Variants in ZNF69 observed in about 807,000 individuals in gnomAD.
ZNF69 encodes the protein zinc finger protein 69.
Under a neutral mutation model 50.9 loss-of-function variants are expected in ZNF69, and 47 were observed. That is an observed-to-expected ratio of 0.92 (90% CI 0.73 to 1.18). ZNF69 has a LOEUF of 1.18. Ranked by LOEUF, ZNF69 falls within the 50% of genes most tolerant of loss-of-function variation. The pLI, the probability that ZNF69 is intolerant of heterozygous loss-of-function variation, is 0.00. For missense variants in ZNF69, 717 were observed against 675.1 expected, an observed-to-expected ratio of 1.06 and a Z score of -0.69; for synonymous variants, 216 against 223.1, an observed-to-expected ratio of 0.97 and a Z score of 0.29.
the ZNF69 span, among the ~76,000 whole-genome samples, chr19:11,972,851 G>A: frequency 6.6e-6 from 1 of 151,836 alleles, no homozygotes; most frequent in African/African-American, 2.4e-5. Context: ...TACCACTTAG[G>A]GAGGCTGAAG....
intron 1 of ZNF69, 92 bp downstream of exon 1, chr19:11,888,078 G>T (rs950450403): frequency 3.0e-6 from 4 of 1,311,626 alleles, no homozygotes; most frequent in African/African-American, 1.5e-5. Flanking sequence ...TTTCCTGCGG[G>T]CGACTTTGGG....
At chr19:11,922,713 A>G in the ZNF69 span, among the ~76,000 whole-genome samples, 47 of 152,336 alleles carry the variant, frequency 3.1e-4, no homozygotes, top group South Asian at 1.7e-3. Context: ...TTATGTGGCC[A>G]GAATGATCCA....
At chr19:11,901,401 C>G (rs1972241090) in intron 1 of ZNF69, among the ~76,000 whole-genome samples, 1 of 152,220 alleles carries the variant, frequency 6.6e-6, no homozygotes, top group Non-Finnish European at 1.5e-5. Flanking sequence ...ACAATTCCCA[C>G]ATGCTTAGCG....
At chr19:11,932,798 C>G in the ZNF69 span, among the ~76,000 whole-genome samples, 1 of 147,214 alleles carries the variant, frequency 6.8e-6, no homozygotes, top group African/African-American at 2.7e-5. Flanking sequence ...CCACCCCGTC[C>G]GGCTAATTTT....
the ZNF69 span, among the ~76,000 whole-genome samples, chr19:11,974,122 TTTCTTTTCTTTCTTTCTTTC>T: frequency 1.3e-4 from 8 of 60,224 alleles, no homozygotes; most frequent in African/African-American, 5.0e-4. Context: ...TCTTTCTTTC[TTTCTTTTCTTTCTTTCTTTC>T]TTTCTTTCTT....
the ZNF69 span, chr19:11,950,587 G>A: frequency 4.0e-6 from 2 of 500,186 alleles, no homozygotes; most frequent in Admixed American, 2.7e-5. Context: ...CAACGGCATG[G>A]AAGGGTTCAC....
chr19:11,916,156 T>A (rs777202019), downstream of ZNF69, among the ~76,000 whole-genome samples: 2 of 152,206 alleles, frequency 1.3e-5, no homozygotes, highest in Non-Finnish European at 2.9e-5. Context: ...GAAATAACTT[T>A]TAATTCTAGA....
intron 1 of ZNF69, among the ~76,000 whole-genome samples, chr19:11,896,324 G>A (rs915041460): frequency 4.1e-5 from 6 of 146,876 alleles, no homozygotes; most frequent in Non-Finnish European, 7.4e-5. Context: ...CTCTTAATTA[G>A]TATAACGTTC....
chr19:11,905,159 T>A lies in ZNF69; in HGVS notation c.762T>A (p.Gly254=). 1 of 1,614,020 alleles carries A rather than the reference T, an allele frequency of 6.2e-7. No individual in the cohort carries two copies. Among genetic ancestry groups the A allele is most frequent in the South Asian group, 1.1e-5 (1 of 91,074 alleles). ...GEKPYECKQC[G]KSFSYSATLR... Reference sequence around the variant, plus strand: ...AACCATATGAATGTAAACAATGTGGTAAATCCTTTAGTTATTCTGCTACCC... The same window carrying A: ...AACCATATGAATGTAAACAATGTGGAAAATCCTTTAGTTATTCTGCTACCC... The change falls in exon 4 of 4, where the codon GGT becomes GGA. Residue 254 remains glycine, a synonymous_variant. Transcript: ENST00000429654.
chr19:11,948,557 G>A, the ZNF69 span: 22 of 1,608,788 alleles, frequency 1.4e-5, no homozygotes, highest in East Asian at 6.7e-5. Flanking sequence ...TTCAGGTATC[G>A]CCCATCCATT....
the ZNF69 span, among the ~76,000 whole-genome samples, chr19:11,940,406 C>T: frequency 4.6e-5 from 7 of 152,034 alleles, no homozygotes; most frequent in African/African-American, 1.4e-4. Context: ...TTCAGAGTTT[C>T]TTCCTTCTGG....
At chr19:11,964,568 G>A in the ZNF69 span, among the ~76,000 whole-genome samples, 1 of 152,090 alleles carries the variant, frequency 6.6e-6, no homozygotes, top group Non-Finnish European at 1.5e-5. Flanking sequence ...AGGGGATGGG[G>A]GTGTGTGAGC....
the ZNF69 span, among the ~76,000 whole-genome samples, chr19:11,941,529 G>T: frequency 6.6e-6 from 1 of 152,210 alleles, no homozygotes. Context: ...CTCTGCAGCC[G>T]CTGGCCCAGG....
chr19:11,899,343 G>T (rs1972194982), intron 1 of ZNF69, among the ~76,000 whole-genome samples: 1 of 151,900 alleles, frequency 6.6e-6, no homozygotes, highest in South Asian at 2.1e-4. Context: ...TGAGAGACAG[G>T]GTCTCAAACT....
the ZNF69 span, chr19:11,978,179 C>T: frequency 6.2e-7 from 1 of 1,613,712 alleles, no homozygotes; most frequent in African/African-American, 1.3e-5. Context: ...AAACTTTTAC[C>T]CAGGTTCCAG....
chr19:11,960,091 G>C, the ZNF69 span, among the ~76,000 whole-genome samples: 1 of 149,110 alleles, frequency 6.7e-6, no homozygotes, highest in Non-Finnish European at 1.5e-5. Flanking sequence ...CTGGAGTTCA[G>C]TGGCGTGATC....
chr19:11,947,307 G>A, the ZNF69 span: 1 of 1,613,710 alleles, frequency 6.2e-7, no homozygotes, highest in Middle Eastern at 1.7e-4. Flanking sequence ...GACCTCTATA[G>A]GTAAGGATGA....
chr19:11,962,121 C>T, the ZNF69 span, among the ~76,000 whole-genome samples: 5 of 152,014 alleles, frequency 3.3e-5, no homozygotes, highest in East Asian at 3.9e-4. Context: ...GCCAAATGAA[C>T]GAAACTTAGT....
chr19:11,948,150 G>T, the ZNF69 span: 72 of 1,143,198 alleles, frequency 6.3e-5, 1 homozygote, highest in East Asian at 1.7e-3. Context: ...ACCTTCAAAC[G>T]ATTCAGACAG....
Sources: allele counts gnomAD v4.1 joint callset (sites outside exome capture counted in the v4.1 genomes callset), GRCh38; gene constraint gnomAD v4.1.1; transcripts MANE v1.5; gene names NCBI Gene and HGNC (gene_info 2026-07-23, HGNC 2026-07-21).